Variants in SAXO5 observed in about 807,000 individuals in gnomAD.
The protein encoded by SAXO5 is stabilizer of axonemal microtubules 5, also known as testis expressed 45.
the SAXO5 span, chr19:7,504,062 A>C: frequency 1.3e-5 from 16 of 1,207,034 alleles, no homozygotes; most frequent in Non-Finnish European, 1.9e-5. Context: ...AGAGGGCTTG[A>C]GATGGCAGGG....
chr19:7,499,940 G>GTGTGTGTGTGTGTGTGTGTGTGTA, the SAXO5 span: 41 of 143,138 alleles, frequency 2.9e-4, no homozygotes, highest in African/African-American at 1.0e-3. Flanking sequence ...ATTTGTGTGT[G>GTGTGTGTGTGTGTGTGTGTGTGTA]TGTGTGTGTG....
chr19:7,504,313 C>T, the SAXO5 span: 5 of 1,614,216 alleles, frequency 3.1e-6, no homozygotes, highest in South Asian at 1.1e-5. Context: ...GCCCACAGGC[C>T]TCCTCCGGAG....
At chr19:7,507,201 A>C in the SAXO5 span, 1 of 1,422,534 alleles carries the variant, frequency 7.0e-7, no homozygotes, top group Non-Finnish European at 9.9e-7. Context: ...GTGTAGAGTT[A>C]TCTCAGGACG....
the SAXO5 span, chr19:7,506,249 TCCCCATGGAGCCCCGC>T: frequency 6.7e-6 from 3 of 444,744 alleles, no homozygotes; most frequent in South Asian, 8.7e-5. Context: ...ATGGAGCCCC[TCCCCATGGAGCCCCGC>T]CCCCACGGAG....
the SAXO5 span, among the ~76,000 whole-genome samples, chr19:7,502,446 G>A: frequency 2.0e-5 from 3 of 152,150 alleles, no homozygotes; most frequent in Non-Finnish European, 4.4e-5. Context: ...GGGCAGAGGT[G>A]CTACCAGCAG....
chr19:7,508,379 A>G, the SAXO5 span: 1 of 1,613,550 alleles, frequency 6.2e-7, no homozygotes, highest in Non-Finnish European at 8.5e-7. Flanking sequence ...GGGAGAAGAT[A>G]GACCCTCTGG....
At chr19:7,505,525 G>A in the SAXO5 span, 1 of 1,614,152 alleles carries the variant, frequency 6.2e-7, no homozygotes, top group Non-Finnish European at 8.5e-7. Context: ...AGAGCCTTTT[G>A]TTCTTCACCA....
At chr19:7,508,368 A>G in the SAXO5 span, 6 of 1,613,746 alleles carry the variant, frequency 3.7e-6, no homozygotes, top group East Asian at 1.3e-4. Context: ...GCGCGGCTGC[A>G]GGGAGAAGAT....
the SAXO5 span, chr19:7,506,171 C>A: frequency 1.3e-6 from 2 of 1,596,752 alleles, no homozygotes; most frequent in African/African-American, 1.3e-5. Context: ...GGGCGGTGAG[C>A]GCTCCCGGGA....
chr19:7,507,249 C>G, the SAXO5 span: 1 of 970,832 alleles, frequency 1.0e-6, no homozygotes, highest in Non-Finnish European at 1.6e-6. Flanking sequence ...AGTGATCACC[C>G]AGGCTCGGGG....
At chr19:7,500,854 G>GC in the SAXO5 span, 4 of 1,537,436 alleles carry the variant, frequency 2.6e-6, no homozygotes, top group East Asian at 1.0e-4. Context: ...CCGTGCTCGC[G>GC]CCCGTGCCCG....
the SAXO5 span, chr19:7,504,375 AACAGGCCT>A: frequency 6.2e-7 from 1 of 1,614,032 alleles, no homozygotes; most frequent in Non-Finnish European, 8.5e-7. Context: ...TCGGAGCAGA[AACAGGCCT>A]ACAGGCCCCA....
chr19:7,506,982 C>T, the SAXO5 span: 8 of 1,288,488 alleles, frequency 6.2e-6, no homozygotes, highest in Non-Finnish European at 7.8e-6. Context: ...GAACCCTTCC[C>T]TTGAACTTCA....
At chr19:7,504,274 G>C in the SAXO5 span, 20 of 1,613,460 alleles carry the variant, frequency 1.2e-5, no homozygotes, top group Non-Finnish European at 1.7e-5. Flanking sequence ...ATTGGGGGCT[G>C]GGTGGTTTGG....
the SAXO5 span, among the ~76,000 whole-genome samples, chr19:7,502,320 G>A: frequency 6.6e-6 from 1 of 152,068 alleles, no homozygotes; most frequent in Non-Finnish European, 1.5e-5. Context: ...ATGTTGCCCT[G>A]GCAGGTCTTG....
chr19:7,507,258 G>A, the SAXO5 span: 2,133 of 891,248 alleles, frequency 2.4e-3, 35 homozygotes, highest in African/African-American at 0.032. Flanking sequence ...CCAGGCTCGG[G>A]GGCATCTTAA....
At chr19:7,497,843 C>A in the SAXO5 span, among the ~76,000 whole-genome samples, 4 of 152,046 alleles carry the variant, frequency 2.6e-5, no homozygotes, top group Non-Finnish European at 5.9e-5. Context: ...TTGCAGGGGG[C>A]AAATGATTCA....
the SAXO5 span, among the ~76,000 whole-genome samples, chr19:7,499,141 G>A: frequency 2.0e-5 from 3 of 151,714 alleles, no homozygotes; most frequent in East Asian, 1.9e-4. Context: ...GTGAAACCCC[G>A]TCTCTACCAA....
the SAXO5 span, chr19:7,501,531 T>G: frequency 5.4e-5 from 60 of 1,117,812 alleles, no homozygotes; most frequent in Non-Finnish European, 6.8e-5. Flanking sequence ...TGGTCAGGAC[T>G]TGGGGGGTGG....
Sources: gnomAD v4.1 joint callset for allele counts (sites outside exome capture counted in the v4.1 genomes callset) on GRCh38, gnomAD v4.1.1 for gene constraint, MANE v1.5 for transcripts, NCBI Gene and HGNC (gene_info 2026-07-23, HGNC 2026-07-21) for gene names.